TMEM132B: variants seen among roughly 807,000 people sequenced by gnomAD.
TMEM132B encodes transmembrane protein 132B.
A neutral mutation model predicts 90.8 loss-of-function variants in TMEM132B; 18 were observed. That is an observed-to-expected ratio of 0.20 (90% confidence interval 0.14 to 0.29). The LOEUF is 0.29. Ranked by LOEUF, TMEM132B falls within the 10% of genes least tolerant of loss-of-function variation. The probability of loss-of-function intolerance (pLI) is 1.00; values close to 1 mark genes in which losing one functional copy is unlikely to be tolerated. For missense variants in TMEM132B, 1,096 were observed against 1,326.8 expected (o/e 0.83, Z 2.70); for synonymous variants, 504 against 523.3 (o/e 0.96, Z 0.50).
chr12:125,241,445 T>C (rs1358573210), intron 1 of TMEM132B, among the ~76,000 whole-genome samples: 1 of 152,210 alleles, frequency 6.6e-6, no homozygotes, highest in African/African-American at 2.4e-5. Context: ...TGCACATTCA[T>C]GGACCCCTGA....
rs774667643 is a variant in TMEM132B at position 125,654,303 on chromosome 12, G to T, written c.2845G>T (p.Asp949Tyr). The T allele has an allele frequency of 3.1e-6, 5 of 1,613,264 alleles. No homozygotes were observed. Among genetic ancestry groups the T allele is most frequent in the Non-Finnish European group, 4.2e-6 (5 of 1,180,030 alleles). ...GCAGGGCAACATCCCCCATTCCCAC[G>T]ACTGGGTCTGGCTTGGGAATGAAGT... is the stretch of plus-strand genomic sequence containing the variant. The part of the protein sequence containing the change: ...SEQGNIPHSH[D>Y]WVWLGNEVEL... Residue 949 changes from aspartate (D) to tyrosine (Y), a missense_variant, in exon 9 of 9, where the codon GAC becomes TAC. By Grantham distance (160) the Asp-to-Tyr change is radical. Transcript: ENST00000682704. The surrounding 1 kb of genome is among the most constrained non-coding windows in gnomAD (Gnocchi z 5.8).
chr12:125,339,029 A>C (rs1877075939), intron 1 of TMEM132B, among the ~76,000 whole-genome samples: 2 of 152,006 alleles, frequency 1.3e-5, no homozygotes. Context: ...AGGCATCCAC[A>C]CTCTCAATGT....
rs113983425 is a variant in TMEM132B at position 125,350,827 on chromosome 12, T to A, written c.959+484T>A. On this transcript the variant is annotated intron_variant, in intron 2 of 8. Transcript: ENST00000682704. ...GTTTACAATTGTAAGCCCTTTCTCA[T>A]AAATGCTGTAGGAAAGGGAGGTCAG... 2.7e-3 allele frequency among the ~76,000 whole-genome samples: 407 copies of A among 152,280 alleles called. 2 individuals carry two copies. Among genetic ancestry groups the A allele is most frequent in the African/African-American group, 9.0e-3 (375 of 41,558 alleles).
chr12:125,650,669 T>A lies in TMEM132B; in HGVS notation c.1644-14T>A, dbSNP rs1886882092. The stretch of plus-strand genomic sequence containing the variant: ...AATGAAGACTTTGTTCTGTTTCGAT[T>A]CCTTGTGCTCCAGGCCTACCCGGGA... On this transcript the variant is annotated splice_polypyrimidine_tract_variant and intron_variant, in intron 6 of 8. Transcript: ENST00000682704. 1.2e-6 allele frequency: 2 copies of A among 1,601,438 alleles called. No individual in the cohort carries two copies. Among genetic ancestry groups the A allele is most frequent in the Non-Finnish European group, 1.7e-6 (2 of 1,169,340 alleles).
At chr12:125,252,081 A>G (rs887307309) in intron 1 of TMEM132B, among the ~76,000 whole-genome samples, 1 of 152,184 alleles carries the variant, frequency 6.6e-6, no homozygotes, top group Non-Finnish European at 1.5e-5. Flanking sequence ...ACACTGGTGC[A>G]CCCACTACCT....
At chr12:125,517,795 T>C (rs1883206753) in intron 3 of TMEM132B, among the ~76,000 whole-genome samples, 2 of 152,148 alleles carry the variant, frequency 1.3e-5, no homozygotes, top group African/African-American at 4.8e-5. Flanking sequence ...ACAAGGAAGC[T>C]GATGGCGGAA....
Position 125,415,469 on chromosome 12 carries a change from C to T in TMEM132B, c.960-62C>T. The T allele has an allele frequency of 6.3e-7, 1 of 1,581,010 alleles. No individual in the cohort carries two copies. Among genetic ancestry groups the T allele is most frequent in the Non-Finnish European group, 8.6e-7 (1 of 1,160,984 alleles). On this transcript the variant is annotated intron_variant, in intron 2 of 8. Coordinates refer to ENST00000682704, the MANE Select transcript of TMEM132B (RefSeq NM_001366854.1). The surrounding 1 kb of genome is among the most constrained non-coding windows in gnomAD (Gnocchi z 5.3). ...TGATCTGCTCTCGTGCCATCTTTTA[C>T]TACCTGTTTCAAACTAAAATGGTTT... is the stretch of plus-strand genomic sequence containing the variant.
intron 4 of TMEM132B, among the ~76,000 whole-genome samples, chr12:125,533,173 A>T (rs777238782): frequency 6.6e-6 from 1 of 152,228 alleles, no homozygotes; most frequent in Admixed American, 6.5e-5. Context: ...AAAGTGTAAT[A>T]TAATTCCTAC....
At chr12:125,317,496 T>TGGGCTGGGGGCA (rs1421601876) in intron 1 of TMEM132B, among the ~76,000 whole-genome samples, 2 of 152,118 alleles carry the variant, frequency 1.3e-5, no homozygotes, top group Non-Finnish European at 2.9e-5. Flanking sequence ...TGCCTTTTCC[T>TGGGCTGGGGGCA]GGGCTGGGGG....
At chr12:125,573,968 G>A (rs1183839786) in intron 4 of TMEM132B, among the ~76,000 whole-genome samples, 2 of 152,120 alleles carry the variant, frequency 1.3e-5, no homozygotes, top group African/African-American at 2.4e-5. Context: ...AATTCATCAC[G>A]TTATCTGTTA....
At chr12:125,548,694 A>G (rs1360074893) in intron 4 of TMEM132B, among the ~76,000 whole-genome samples, 1 of 152,176 alleles carries the variant, frequency 6.6e-6, no homozygotes, top group Non-Finnish European at 1.5e-5. Flanking sequence ...AATAGGGGGA[A>G]TGTTTTTCTA....
At chr12:125,590,405 A>G (rs1431636161) in intron 5 of TMEM132B, among the ~76,000 whole-genome samples, 1 of 152,234 alleles carries the variant, frequency 6.6e-6, no homozygotes, top group African/African-American at 2.4e-5. Flanking sequence ...GAATGAATGA[A>G]TGCTAGAGCT....
At chr12:125,276,603 G>A (rs1874997367) in intron 1 of TMEM132B, among the ~76,000 whole-genome samples, 1 of 152,160 alleles carries the variant, frequency 6.6e-6, no homozygotes, top group Non-Finnish European at 1.5e-5. Context: ...TTTCTCCATG[G>A]GGTAACTTCG....
intron 1 of TMEM132B, among the ~76,000 whole-genome samples, chr12:125,241,533 A>G (rs1288343122): frequency 1.3e-5 from 2 of 152,054 alleles, no homozygotes; most frequent in African/African-American, 4.8e-5. Context: ...GTGACTCGTG[A>G]CTCGAGATTC....
Position 125,417,833 on chromosome 12 carries a change from C to T in TMEM132B, c.1106+2156C>T, listed in dbSNP as rs552252476. 2.0e-5 allele frequency among the ~76,000 whole-genome samples: 3 copies of T among 152,314 alleles called. No individual in the cohort carries two copies. In the South Asian group the frequency reaches 6.2e-4, roughly 32 times the overall value. The stretch of plus-strand genomic sequence containing the variant: ...GCCAGGCACACGTCCCAGTGCTGGT[C>T]ACCACTGGCTCTGTTTGGCATAACT... On this transcript the variant is annotated intron_variant, in intron 3 of 8. Transcript: ENST00000682704.
At chr12:125,430,421 G>A (rs1457652307) in intron 3 of TMEM132B, among the ~76,000 whole-genome samples, 1 of 151,582 alleles carries the variant, frequency 6.6e-6, no homozygotes, top group African/African-American at 2.4e-5. Flanking sequence ...GATAGTGTGG[G>A]CGGAAACCCG....
chr12:125,212,693 T>C lies in TMEM132B; in HGVS notation c.67+25827T>C, dbSNP rs530763940. Reference sequence around the variant, plus strand: ...TGGGCGACAAGAGCGAAACTCCGTCTAAAAAAAAAGAAATTCCTGGGCTCA... The same window carrying C: ...TGGGCGACAAGAGCGAAACTCCGTCCAAAAAAAAAGAAATTCCTGGGCTCA... On this transcript the variant is annotated intron_variant, in intron 1 of 8. Transcript: ENST00000682704. Among the ~76,000 whole-genome samples, 4 of 150,904 alleles carry C rather than the reference T, an allele frequency of 2.7e-5. No homozygotes were observed. In the South Asian group the frequency reaches 8.4e-4, roughly 32 times the overall value.
intron 3 of TMEM132B, among the ~76,000 whole-genome samples, chr12:125,437,588 A>G (rs1033705802): frequency 6.6e-6 from 1 of 152,124 alleles, no homozygotes; most frequent in Non-Finnish European, 1.5e-5. Flanking sequence ...ACATGCTCAT[A>G]TGGATAAAGA....
At chr12:125,380,672 G>C (rs563226946) in intron 2 of TMEM132B, among the ~76,000 whole-genome samples, 58 of 152,308 alleles carry the variant, frequency 3.8e-4, no homozygotes, top group African/African-American at 1.3e-3. Context: ...GTCCCTGCAG[G>C]CTATGATTTC....
Sources: allele counts gnomAD v4.1 joint callset (sites outside exome capture counted in the v4.1 genomes callset), GRCh38; gene constraint gnomAD v4.1.1; non-coding constraint Gnocchi (gnomAD v3.1); transcripts MANE v1.5; gene names NCBI Gene and HGNC (gene_info 2026-07-23, HGNC 2026-07-21).